Variants in GALNTL6 observed in about 807,000 individuals in gnomAD.
GALNTL6 encodes polypeptide N-acetylgalactosaminyltransferase like 6.
In GALNTL6, 46 loss-of-function variants were observed where a neutral mutation model predicts 73.7. The ratio of observed to expected loss-of-function variants is 0.62; its 90% CI spans 0.49 to 0.80. The LOEUF (loss-of-function observed/expected upper bound fraction) is 0.80. Among genes scored for constraint, GALNTL6 ranks in the 30% least tolerant of loss-of-function variants. GALNTL6 has a pLI of 0.00. For missense variants in GALNTL6, 604 were observed against 755.0 expected (o/e 0.80, Z 2.34); for synonymous variants, 259 against 263.7 (o/e 0.98, Z 0.17).
At chr4:172,767,655 C>T (rs1458021874) in intron 5 of GALNTL6, among the ~76,000 whole-genome samples, 1 of 138,320 alleles carries the variant, frequency 7.2e-6, no homozygotes, top group Non-Finnish European at 1.5e-5. Context: ...TACTCAAGAA[C>T]TGATTTTTTT....
chr4:172,059,928 G>A (rs913690504), intron 2 of GALNTL6, among the ~76,000 whole-genome samples: 8 of 152,132 alleles, frequency 5.3e-5, no homozygotes, highest in African/African-American at 1.9e-4. Flanking sequence ...GAAATATGAA[G>A]GGCACAGGGC....
At chr4:172,142,060 G>GA (rs796132421) in intron 2 of GALNTL6, among the ~76,000 whole-genome samples, 1 of 151,890 alleles carries the variant, frequency 6.6e-6, no homozygotes, top group East Asian at 1.9e-4. Flanking sequence ...TTATTCTTCA[G>GA]AAAAAACTAG....
chr4:172,182,236 A>G (rs1309421747), intron 2 of GALNTL6, among the ~76,000 whole-genome samples: 2 of 152,166 alleles, frequency 1.3e-5, no homozygotes, highest in East Asian at 3.9e-4. Context: ...AGAACTACAA[A>G]CCACTGCTCA....
intron 2 of GALNTL6, among the ~76,000 whole-genome samples, chr4:171,866,302 A>T (rs1429968135): frequency 6.6e-6 from 1 of 151,436 alleles, no homozygotes; most frequent in Non-Finnish European, 1.5e-5. Context: ...TTAATTTTTA[A>T]ATTTTTTTTC....
intron 2 of GALNTL6, among the ~76,000 whole-genome samples, chr4:172,016,476 T>C (rs1741195351): frequency 6.6e-6 from 1 of 152,036 alleles, no homozygotes; most frequent in Non-Finnish European, 1.5e-5. Context: ...ATATTGTGTA[T>C]TGTTGTTTTA....
At chr4:172,386,000 C>T (rs982602649) in intron 5 of GALNTL6, among the ~76,000 whole-genome samples, 6 of 151,918 alleles carry the variant, frequency 3.9e-5, no homozygotes, top group Non-Finnish European at 5.9e-5. Flanking sequence ...CAACTAAAGT[C>T]AATATTATAC....
intron 2 of GALNTL6, among the ~76,000 whole-genome samples, chr4:172,190,650 G>A (rs971674109): frequency 2.0e-5 from 3 of 152,100 alleles, no homozygotes; most frequent in African/African-American, 7.2e-5. Flanking sequence ...TCTATAGAAG[G>A]ATATTAGAAC....
Position 172,070,119 on chromosome 4 carries a change from G to A in GALNTL6, c.139-159537G>A, listed in dbSNP as rs1194681836. ...GTCGCTGTTTTGCTATTCTAGAAGT[G>A]GTGTGTTCTGAAAACGGAAAGGATG... On this transcript the variant is annotated intron_variant, in intron 2 of 12. Coordinates refer to ENST00000506823, the MANE Select transcript of GALNTL6 (RefSeq NM_001034845.3). Among the ~76,000 whole-genome samples the A allele has an allele frequency of 2.8e-5, 3 of 108,818 alleles. 1 individual carries two copies. The highest frequency in any genetic ancestry group is 1.0e-4 in the African/African-American group (3 of 28,824). The allele number at this position is 108,818 out of a possible 152,430, so 71.4% of individuals were successfully genotyped here.
Position 171,885,640 on chromosome 4 carries a change from C to T in GALNTL6, c.138+70922C>T, listed in dbSNP as rs115413961. On this transcript the variant is annotated intron_variant, in intron 2 of 12. Transcript: ENST00000506823. ...GGGAAACACAGTGAGACCCTGTCTC[C>T]GCAAAAAATAAAAATATTAACCTAG... 7.3e-3 allele frequency among the ~76,000 whole-genome samples: 1,106 copies of T among 151,894 alleles called. 16 individuals carry two copies. The highest frequency in any genetic ancestry group is 0.025 in the African/African-American group (1,028 of 41,442).
chr4:172,341,711 T>C (rs333411), intron 4 of GALNTL6, among the ~76,000 whole-genome samples: 117,840 of 151,996 alleles, frequency 0.78, 47,376 homozygotes, highest in Non-Finnish European at 0.89. Context: ...CTGCCATCCA[T>C]GTAAGATATT....
At chr4:171,967,592 A>G (rs767087013) in intron 2 of GALNTL6, among the ~76,000 whole-genome samples, 11 of 152,080 alleles carry the variant, frequency 7.2e-5, no homozygotes, top group Non-Finnish European at 1.5e-4. Flanking sequence ...AATTTATTAG[A>G]CAACCATTTA....
chr4:172,028,375 G>T (rs1295494140), intron 2 of GALNTL6, among the ~76,000 whole-genome samples: 1 of 151,914 alleles, frequency 6.6e-6, no homozygotes, highest in Non-Finnish European at 1.5e-5. Flanking sequence ...TTTATAAGAA[G>T]TTACCTTTGA....
chr4:172,007,244 A>G (rs1487597232), intron 2 of GALNTL6, among the ~76,000 whole-genome samples: 1 of 152,036 alleles, frequency 6.6e-6, no homozygotes, highest in Non-Finnish European at 1.5e-5. Context: ...ATTCATGTAG[A>G]CTATATTTTT....
intron 5 of GALNTL6, among the ~76,000 whole-genome samples, chr4:172,728,065 A>C (rs932120568): frequency 6.6e-6 from 1 of 152,080 alleles, no homozygotes; most frequent in African/African-American, 2.4e-5. Context: ...GGCACCTGCC[A>C]CCACGCCTGG....
Position 172,462,899 on chromosome 4 carries a change from C to T in GALNTL6, c.553+114210C>T, listed in dbSNP as rs558719060. Among the ~76,000 whole-genome samples the T allele has an allele frequency of 1.2e-3, 180 of 152,252 alleles. 1 individual carries two copies. Among genetic ancestry groups the T allele is most frequent in the African/African-American group, 4.3e-3 (177 of 41,558 alleles). On this transcript the variant is annotated intron_variant, in intron 5 of 12. Coordinates refer to ENST00000506823, the MANE Select transcript of GALNTL6 (RefSeq NM_001034845.3). ...GGATACTCCAAACAAGCACCTTAAA[C>T]AAGACAATCCAGAAAAGTGTGAGGA...
chr4:172,438,894 G>T (rs1731731263), intron 5 of GALNTL6, among the ~76,000 whole-genome samples: 1 of 151,936 alleles, frequency 6.6e-6, no homozygotes, highest in East Asian at 1.9e-4. Context: ...AAGAATTTCT[G>T]CATGTTCCCA....
At position 172,301,554 on chromosome 4, in the gene GALNTL6, T is replaced by C. The variant is rs547691761; in HGVS notation, c.248-10060T>C. ...CGTACAGATGGGGTTTTGGTGTGGA[T>C]GTCCTTTCTGTTTGTTAGTTTTCCT... is the stretch of plus-strand genomic sequence containing the variant. On this transcript the variant is annotated intron_variant, in intron 3 of 12. Coordinates refer to ENST00000506823, the MANE Select transcript of GALNTL6 (RefSeq NM_001034845.3). Among the ~76,000 whole-genome samples the C allele has an allele frequency of 5.9e-5, 9 of 152,316 alleles. No homozygotes were observed. The East Asian group carries it at 1.7e-3, about 29-fold the overall frequency.
chr4:172,817,096 A>C (rs1457686384), intron 7 of GALNTL6, among the ~76,000 whole-genome samples: 2 of 139,892 alleles, frequency 1.4e-5, no homozygotes, highest in South Asian at 2.3e-4. Flanking sequence ...AAACAGCCAG[A>C]CTCCGTCTCC....
chr4:172,601,226 A>G (rs1368068155), intron 5 of GALNTL6, among the ~76,000 whole-genome samples: 1 of 152,202 alleles, frequency 6.6e-6, no homozygotes, highest in Non-Finnish European at 1.5e-5. Context: ...GGTCAACTTA[A>G]CAACATAGCA....
Sources: allele counts gnomAD v4.1 joint callset (sites outside exome capture counted in the v4.1 genomes callset), GRCh38; gene constraint gnomAD v4.1.1; transcripts MANE v1.5; gene names NCBI Gene and HGNC (gene_info 2026-07-23, HGNC 2026-07-21).